Variants in GABRA1 observed in about 807,000 individuals in gnomAD.
GABRA1 encodes the protein gamma-aminobutyric acid receptor subunit alpha-1.
GABRA1 carries 9 observed loss-of-function variants against 48.9 expected under a neutral mutation model. The ratio of observed to expected loss-of-function variants is 0.18; its 90% CI spans 0.11 to 0.32. The LOEUF (loss-of-function observed/expected upper bound fraction) is 0.32. Among genes scored for constraint, GABRA1 ranks in the 10% least tolerant of loss-of-function variants. GABRA1 has a pLI of 1.00. For synonymous variants in GABRA1, 210 were observed against 198.7 expected (o/e 1.06, Z -0.48); for missense variants, 285 against 553.8 (o/e 0.51, Z 4.87).
In GABRA1 at chr5:161,889,907, TA is replaced by T. The variant is rs369544185; in HGVS notation, c.704-982del. Among the ~76,000 whole-genome samples, 8 of 150,850 alleles carry T rather than the reference TA, an allele frequency of 5.3e-5. No individual in the cohort carries two copies. The East Asian group carries it at 7.8e-4, about 15-fold the overall frequency. ...CAGTCTCCATTAAGATATTTTAAGT[TA>T]AAAAAAAAGAGTGGCAGAATCGCAC... On this transcript the variant is annotated intron_variant, in intron 7 of 9. Coordinates refer to ENST00000393943, the MANE Select transcript of GABRA1 (RefSeq NM_001127644.2).
chr5:161,883,516 A>G (rs1754708202), intron 7 of GABRA1, among the ~76,000 whole-genome samples: 1 of 152,176 alleles, frequency 6.6e-6, no homozygotes, highest in Admixed American at 6.6e-5. Context: ...TATAAATAAA[A>G]ACTGGACTCA....
chr5:161,882,574 A>G lies in GABRA1; in HGVS notation c.576A>G (p.Ala192=), dbSNP rs1319609279. The G allele has an allele frequency of 6.2e-7, 1 of 1,613,592 alleles. No individual in the cohort carries two copies. The highest frequency in any genetic ancestry group is 8.5e-7 in the Non-Finnish European group (1 of 1,179,666). The change falls in exon 7 of 10, where the codon GCA becomes GCG. Residue 192 remains alanine (A), a synonymous_variant. Transcript: ENST00000393943. Reference sequence around the variant, plus strand: ...TCCTTTTAGATGCTTATACAAGAGCAGAAGTTGTTTATGAATGGACCAGAG... The same window carrying G: ...TCCTTTTAGATGCTTATACAAGAGCGGAAGTTGTTTATGAATGGACCAGAG... ...LKFGSYAYTR[A]EVVYEWTREP...
intron 5 of GABRA1, 120 bp downstream of exon 5, chr5:161,873,457 A>G (rs1421913753): frequency 1.2e-6 from 1 of 827,712 alleles, no homozygotes; most frequent in Admixed American, 2.0e-5. Context: ...TTCAACCTTA[A>G]CAATCTTAAA....
chr5:161,852,041 C>G (rs1581176254), intron 2 of GABRA1, among the ~76,000 whole-genome samples: 1 of 151,952 alleles, frequency 6.6e-6, no homozygotes, highest in Non-Finnish European at 1.5e-5. Flanking sequence ...AATGAATAAG[C>G]ATCTTATTCG....
intron 7 of GABRA1, among the ~76,000 whole-genome samples, chr5:161,885,057 C>T (rs1244862393): frequency 6.6e-6 from 1 of 152,184 alleles, no homozygotes; most frequent in Non-Finnish European, 1.5e-5. Flanking sequence ...AGTCATCATT[C>T]TGTGCTAGAG....
At chr5:161,855,669 T>C (rs946158816) in intron 3 of GABRA1, among the ~76,000 whole-genome samples, 14 of 151,362 alleles carry the variant, frequency 9.2e-5, no homozygotes, top group Non-Finnish European at 1.6e-4. Context: ...TTATAAAATT[T>C]GCGATAAATT....
intron 7 of GABRA1, among the ~76,000 whole-genome samples, chr5:161,888,806 C>T (rs17052610): frequency 0.056 from 8,448 of 152,000 alleles, 304 homozygotes; most frequent in South Asian, 0.12. Context: ...GAGGAACACA[C>T]AGAAAATAAT....
intron 6 of GABRA1, among the ~76,000 whole-genome samples, chr5:161,879,888 A>C (rs1020251431): frequency 6.6e-6 from 1 of 152,224 alleles, no homozygotes; most frequent in African/African-American, 2.4e-5. Context: ...CAGCTCCGTA[A>C]CAACACATGA....
intron 6 of GABRA1, among the ~76,000 whole-genome samples, chr5:161,881,025 A>C (rs926631894): frequency 5.9e-5 from 9 of 152,206 alleles, no homozygotes; most frequent in African/African-American, 2.2e-4. Flanking sequence ...GGTTGCTACA[A>C]AGATGAATAT....
intron 7 of GABRA1, among the ~76,000 whole-genome samples, chr5:161,883,732 T>C (rs544862285): frequency 1.3e-5 from 2 of 152,164 alleles, no homozygotes; most frequent in Non-Finnish European, 2.9e-5. Context: ...ATGCTTTATA[T>C]TGGGACCCTC....
chr5:161,888,609 C>T (rs1283030799), intron 7 of GABRA1, among the ~76,000 whole-genome samples: 1 of 152,012 alleles, frequency 6.6e-6, no homozygotes, highest in Non-Finnish European at 1.5e-5. Flanking sequence ...GAGCTGGTGA[C>T]ATTTTGCAGG....
intron 8 of GABRA1, among the ~76,000 whole-genome samples, chr5:161,892,088 A>G (rs1196329790): frequency 6.6e-6 from 1 of 152,206 alleles, no homozygotes; most frequent in African/African-American, 2.4e-5. Context: ...TCGCCTAATG[A>G]CAATGCTGTA....
intron 4 of GABRA1, among the ~76,000 whole-genome samples, chr5:161,870,888 T>C (rs1754086107): frequency 1.3e-5 from 2 of 152,118 alleles, no homozygotes; most frequent in African/African-American, 4.8e-5. Context: ...TTTCATTTTG[T>C]ATTTCAACTT....
intron 7 of GABRA1, among the ~76,000 whole-genome samples, chr5:161,887,758 G>A (rs562875429): frequency 1.3e-5 from 2 of 152,262 alleles, no homozygotes; most frequent in African/African-American, 4.8e-5. Context: ...GACTTAGAGA[G>A]AGAATGCATG....
chr5:161,893,050 A>ATAAAAAAAT (rs1554087375), intron 8 of GABRA1, among the ~76,000 whole-genome samples: 3 of 145,440 alleles, frequency 2.1e-5, no homozygotes, highest in Non-Finnish European at 4.5e-5. Context: ...AATAATAATA[A>ATAAAAAAAT]AATAAACACA....
chr5:161,898,217 T>C lies in GABRA1; in HGVS notation c.*795T>C, dbSNP rs1203568424. ...CCATAGAAACTAAACTAAAATAGTT[T>C]AAAAATATTCCCTTTTTCACCCTAT... On this transcript the variant is annotated 3_prime_UTR_variant, in exon 10 of 10. Coordinates refer to ENST00000393943, the MANE Select transcript of GABRA1 (RefSeq NM_001127644.2). 6.6e-6 allele frequency: 1 copy of C among 152,638 alleles called. No individual in the cohort carries two copies. Among genetic ancestry groups the C allele is most frequent in the East Asian group, 1.9e-4 (1 of 5,202 alleles). The allele number at this position is 152,638 out of a possible 1,614,324, so 9.5% of individuals were successfully genotyped here.
chr5:161,864,903 C>A (rs184872835), intron 3 of GABRA1, among the ~76,000 whole-genome samples: 1 of 151,636 alleles, frequency 6.6e-6, no homozygotes, highest in African/African-American at 2.4e-5. Context: ...TTTTTCAGAG[C>A]TAGAGATGAA....
At chr5:161,878,809 A>G (rs1226113502) in intron 6 of GABRA1, among the ~76,000 whole-genome samples, 1 of 152,232 alleles carries the variant, frequency 6.6e-6, no homozygotes, top group Non-Finnish European at 1.5e-5. Flanking sequence ...AGACCTAGGC[A>G]AAAGCTGAAT....
At position 161,890,856 on chromosome 5, in the gene GABRA1, A is replaced by G. The variant is rs764553624; in HGVS notation, c.704-42A>G. On this transcript the variant is annotated intron_variant, in intron 7 of 9. Transcript: ENST00000393943. ...TAAACCTCAGAGATTACCTTTTTCT[A>G]AAGTCAAATTGCTCATCTTTCTTGT... is the stretch of plus-strand genomic sequence containing the variant. 6 of 1,593,870 alleles carry G rather than the reference A, an allele frequency of 3.8e-6. No homozygotes were observed. In the African/African-American group the frequency reaches 4.0e-5, roughly 11 times the overall value.
Sources: allele counts gnomAD v4.1 joint callset (sites outside exome capture counted in the v4.1 genomes callset), GRCh38; gene constraint gnomAD v4.1.1; transcripts MANE v1.5; gene names NCBI Gene and HGNC (gene_info 2026-07-23, HGNC 2026-07-21).